Variants in GRHL1 observed in about 807,000 individuals in gnomAD.
The protein encoded by GRHL1 is grainyhead like transcription factor 1.
A neutral mutation model predicts 75.7 loss-of-function variants in GRHL1; 38 were observed. That is an observed-to-expected ratio of 0.50 (90% CI 0.39 to 0.66). The LOEUF is 0.66. Among genes scored for constraint, GRHL1 ranks in the 30% least tolerant of loss-of-function variants. GRHL1 has a pLI of 0.00. For missense variants in GRHL1, 589 were observed against 767.5 expected, an observed-to-expected ratio of 0.77 and a Z score of 2.75; for synonymous variants, 266 against 279.4, an observed-to-expected ratio of 0.95 and a Z score of 0.48.
At chr2:9,953,019 C>G (rs1666859166) in intron 1 of GRHL1, 1 of 456,686 alleles carries the variant, frequency 2.2e-6, no homozygotes, top group Non-Finnish European at 4.4e-6. Context: ...CTGAAGCCTA[C>G]TTCCTGACTG....
At position 9,983,084 on chromosome 2, in the gene GRHL1, C is replaced by T. The variant is rs541131706; in HGVS notation, c.1111-3040C>T. The stretch of plus-strand genomic sequence containing the variant: ...GTAGACTTTGGTTGAGGGTTAAACC[C>T]GGCACGTATGTCCCCTCCACACCAG... On this transcript the variant is annotated intron_variant, in intron 8 of 15. Transcript: ENST00000324907. Among the ~76,000 whole-genome samples the T allele has an allele frequency of 6.8e-4, 103 of 152,272 alleles. 1 individual carries two copies. Among genetic ancestry groups the T allele is most frequent in the South Asian group, 8.3e-4 (4 of 4,822 alleles).
At chr2:9,978,190 T>C (rs986521915) in intron 8 of GRHL1, among the ~76,000 whole-genome samples, 3 of 152,184 alleles carry the variant, frequency 2.0e-5, no homozygotes, top group Non-Finnish European at 4.4e-5. Flanking sequence ...CCAAACCATA[T>C]CATCTGTCCT....
rs1321775435 is a variant in GRHL1 at position 9,992,716 on chromosome 2, C to A, written c.1462-491C>A. Among the ~76,000 whole-genome samples, 1 of 152,172 alleles carries A rather than the reference C, an allele frequency of 6.6e-6. No homozygotes were observed. The highest frequency in any genetic ancestry group is 1.5e-5 in the Non-Finnish European group (1 of 68,030). ...TTTTATGCTGAGTGCAAATAAATAT[C>A]AAAAAGACAGTCTTTCATGCACTTT... On this transcript the variant is annotated intron_variant, in intron 11 of 15. Transcript: ENST00000324907. The surrounding 1 kb of genome is among the most constrained non-coding windows in gnomAD (Gnocchi z 4.6).
intron 8 of GRHL1, 29 bp downstream of exon 8, chr2:9,965,410 T>A: frequency 1.7e-6 from 2 of 1,203,414 alleles, no homozygotes; most frequent in Non-Finnish European, 2.5e-6. Context: ...GCGCCTTATG[T>A]CCAGCCATTT....
At chr2:9,998,390 C>T (rs571002091) in intron 14 of GRHL1, among the ~76,000 whole-genome samples, 73 of 140,098 alleles carry the variant, frequency 5.2e-4, no homozygotes, top group African/African-American at 1.8e-3. Flanking sequence ...TTTGTGTCTG[C>T]GTTTTTGAAA....
At chr2:9,965,632 C>G in intron 8 of GRHL1, 1 of 460,362 alleles carries the variant, frequency 2.2e-6, no homozygotes. Flanking sequence ...CCTGTTCAGC[C>G]TTGAGTCTGA....
Position 9,964,046 on chromosome 2 carries a change from A to G in GRHL1, c.903+4A>G. ...TCATCCCATCAGCAAAGTTCGAGTAAGTTCTGCTCTTAGTCCTGTTCTCTA... is the reference window on the plus strand; with the variant it reads ...TCATCCCATCAGCAAAGTTCGAGTAGGTTCTGCTCTTAGTCCTGTTCTCTA... On this transcript the variant is annotated splice_donor_region_variant and intron_variant, in intron 6 of 15. Transcript: ENST00000324907. 1 of 1,612,792 alleles carries G rather than the reference A, an allele frequency of 6.2e-7. No individual in the cohort carries two copies. The highest frequency in any genetic ancestry group is 8.5e-7 in the Non-Finnish European group (1 of 1,178,932).
intron 15 of GRHL1, among the ~76,000 whole-genome samples, chr2:10,000,233 G>T (rs1443149263): frequency 1.3e-5 from 2 of 152,142 alleles, no homozygotes; most frequent in Non-Finnish European, 2.9e-5. Flanking sequence ...TGATTCTCCT[G>T]CCTCAGCGTC....
rs1669235101 is a variant in GRHL1, at chr2:10,000,794, C to T, written c.*87C>T. On this transcript the variant is annotated 3_prime_UTR_variant, in exon 16 of 16. Transcript: ENST00000324907. ...GCAACTGCAGGTAACCCCAGTCAGCCATGTCGCCAGCACAGGTCTATGTCG... is the reference window on the plus strand; with the variant it reads ...GCAACTGCAGGTAACCCCAGTCAGCTATGTCGCCAGCACAGGTCTATGTCG... The T allele has an allele frequency of 2.7e-6, 2 of 738,640 alleles. No homozygotes were observed. The highest frequency in any genetic ancestry group is 1.7e-5 in the African/African-American group (1 of 57,838). The allele number at this position is 738,640 out of a possible 1,614,324, so 45.8% of individuals were successfully genotyped here.
At chr2:9,971,015 G>T (rs17455158) in intron 8 of GRHL1, among the ~76,000 whole-genome samples, 1 of 152,140 alleles carries the variant, frequency 6.6e-6, no homozygotes, top group Non-Finnish European at 1.5e-5. Flanking sequence ...ATTGAGGCTT[G>T]TAGAGTCCAT....
intron 2 of GRHL1, among the ~76,000 whole-genome samples, chr2:9,956,803 A>G (rs1464693962): frequency 6.6e-6 from 1 of 152,174 alleles, no homozygotes; most frequent in African/African-American, 2.4e-5. Flanking sequence ...TTTTTAACTG[A>G]AACTTTTGAG....
intron 8 of GRHL1, among the ~76,000 whole-genome samples, chr2:9,979,939 T>C (rs976642474): frequency 2.6e-5 from 4 of 152,246 alleles, no homozygotes; most frequent in Admixed American, 2.6e-4. Context: ...CTCCACAAAT[T>C]AAATTCACTT....
Position 9,968,740 on chromosome 2 carries a change from T to C in GRHL1, c.1110+3359T>C, listed in dbSNP as rs917302746. Among the ~76,000 whole-genome samples, 1 of 152,116 alleles carries C rather than the reference T, an allele frequency of 6.6e-6. No individual in the cohort carries two copies. The highest frequency in any genetic ancestry group is 2.4e-5 in the African/African-American group (1 of 41,424). ...CAGCGAGATGGGAGAAAGATACACA[T>C]AGACTCAGCTGGATCAACATTTTCT... is the stretch of plus-strand genomic sequence containing the variant. On this transcript the variant is annotated intron_variant, in intron 8 of 15. Transcript: ENST00000324907. This position sits in a 1 kb window ranked among gnomAD's most constrained non-coding sequence, Gnocchi z 4.7.
rs761421533 is a variant in GRHL1, at chr2:9,951,886, G to A, written c.20+33G>A. Reference sequence around the variant, plus strand: ...AGGCGCAGGAGTCCGGCCGCCGCGGGGGGGCCGCGCTGAGGGGCCGCACCT... The same window carrying A: ...AGGCGCAGGAGTCCGGCCGCCGCGGAGGGGCCGCGCTGAGGGGCCGCACCT... On this transcript the variant is annotated intron_variant, in intron 1 of 15. Transcript: ENST00000324907. The surrounding 1 kb of genome is among the most constrained non-coding windows in gnomAD (Gnocchi z 4.2). 1.4e-6 allele frequency: 2 copies of A among 1,422,220 alleles called. No homozygotes were observed. The highest frequency in any genetic ancestry group is 2.4e-5 in the Admixed American group (1 of 42,336). The allele number at this position is 1,422,220 out of a possible 1,614,324, so 88.1% of individuals were successfully genotyped here. A position where few individuals can be genotyped will look rare whatever the true frequency, so the allele number is the denominator to read the frequency against.
rs1344638147 is a variant in GRHL1, at chr2:10,001,808, C to T, written c.*1101C>T. On this transcript the variant is annotated 3_prime_UTR_variant, in exon 16 of 16. Coordinates refer to ENST00000324907, the MANE Select transcript of GRHL1 (RefSeq NM_198182.3). ...CACACAGATTGCAAGTATTGCGTAC[C>T]AAGTGATACAACTCGAAATGCAGTT... 6.6e-6 allele frequency: 1 copy of T among 152,260 alleles called. No individual in the cohort carries two copies. Among genetic ancestry groups the T allele is most frequent in the African/African-American group, 2.4e-5 (1 of 41,448 alleles). 9.4% of individuals were successfully genotyped at this position (152,260 alleles called of 1,614,324 possible).
intron 4 of GRHL1, 142 bp downstream of exon 4, chr2:9,961,578 G>A (rs1397344810): frequency 2.9e-6 from 2 of 694,426 alleles, no homozygotes; most frequent in Non-Finnish European, 4.7e-6. Context: ...AAGAGAAAAG[G>A]CCCATGGGTA....
At position 9,972,185 on chromosome 2, in the gene GRHL1, C is replaced by T. The variant is rs914881162; in HGVS notation, c.1110+6804C>T. ...CTGCATCTGGGCTGTCACTTGAATT[C>T]CTTTTTCTTTTTTTTTTTTTTTGGT... On this transcript the variant is annotated intron_variant, in intron 8 of 15. Transcript: ENST00000324907. Among the ~76,000 whole-genome samples, 4 of 151,544 alleles carry T rather than the reference C, an allele frequency of 2.6e-5. No homozygotes were observed. The East Asian group carries it at 5.8e-4, about 22-fold the overall frequency.
At position 10,000,612 on chromosome 2, in the gene GRHL1, G is replaced by A. The variant is rs769725059; in HGVS notation, c.1762G>A (p.Asp588Asn). 3.0e-5 allele frequency: 49 copies of A among 1,611,740 alleles called. No homozygotes were observed. Among genetic ancestry groups the A allele is most frequent in the Admixed American group, 1.3e-4 (8 of 59,930 alleles). ...CKKGILVNMD[D>N]NIVKHYSNED... ...ATCCAGGATCCTGGTGAACATGGAC[G>A]ACAACATTGTGAAGCATTACTCCAA... Residue 588 changes from aspartate (D) to asparagine (N), a missense_variant, in exon 16 of 16, where the codon GAC (aspartate) becomes AAC (asparagine). By Grantham distance (23) the Asp-to-Asn change is conservative. Around this residue, in one of 5 missense-constraint regions of GRHL1, gnomAD observed 192 missense variants for 226.6 expected, o/e 0.85. Coordinates refer to ENST00000324907, the MANE Select transcript of GRHL1 (RefSeq NM_198182.3).
chr2:9,961,288 T>C lies in GRHL1; in HGVS notation c.521T>C (p.Val174Ala), dbSNP rs557031031. 172 of 1,614,154 alleles carry C rather than the reference T, an allele frequency of 1.1e-4. 2 individuals carry two copies. The Admixed American group carries it at 2.8e-3, about 26-fold the overall frequency. The stretch of plus-strand genomic sequence containing the variant: ...TTCGCTGTGGGAATCCCCCCAGCAG[T>C]GTATCATCCTGAGCCCACTGAGCGG... ...HGFAVGIPPAVYHPEPTERVV... is the reference protein window; with the variant it reads ...HGFAVGIPPAAYHPEPTERVV... Residue 174 changes from valine to alanine, a missense_variant, in exon 4 of 16, where the codon GTG (valine) becomes GCG (alanine). By Grantham distance (64) the Val-to-Ala change is moderately conservative. Around this residue, in one of 5 missense-constraint regions of GRHL1, gnomAD observed 362 missense variants for 461.8 expected, o/e 0.78. Coordinates refer to ENST00000324907, the MANE Select transcript of GRHL1 (RefSeq NM_198182.3).
Sources: allele counts gnomAD v4.1 joint callset (sites outside exome capture counted in the v4.1 genomes callset), GRCh38; gene constraint gnomAD v4.1.1; regional missense constraint gnomAD v4.1.1; non-coding constraint Gnocchi (gnomAD v3.1); transcripts MANE v1.5; gene names NCBI Gene and HGNC (gene_info 2026-07-23, HGNC 2026-07-21).